MOV10L1: variants seen among roughly 807,000 people sequenced by gnomAD.
MOV10L1 encodes the protein Mov10 like RNA helicase 1.
Under a neutral mutation model 143.8 loss-of-function variants are expected in MOV10L1, and 110 were observed. The observed-to-expected ratio is 0.76, with a 90% CI of 0.66 to 0.90. MOV10L1 has a LOEUF of 0.90. MOV10L1 is among the 40% of genes least tolerant of loss of function. The pLI, the probability that MOV10L1 is intolerant of heterozygous loss-of-function variation, is 0.00. For synonymous variants in MOV10L1, 593 were observed against 581.1 expected (o/e 1.02, Z -0.29); for missense variants, 1,406 against 1,526.8 (o/e 0.92, Z 1.32).
chr22:50,090,591 C>T, intron 1 of MOV10L1: 1 of 1,519,540 alleles, frequency 6.6e-7, no homozygotes, highest in Non-Finnish European at 9.0e-7. Flanking sequence ...CAAGGCGTGC[C>T]ATTTCCTTGT....
chr22:50,098,621 C>T (rs2062657162), intron 2 of MOV10L1, among the ~76,000 whole-genome samples: 1 of 152,250 alleles, frequency 6.6e-6, no homozygotes, highest in Middle Eastern at 3.4e-3. Flanking sequence ...TTAGCTCTAA[C>T]CATTTTTTGT....
chr22:50,143,096 C>G lies in MOV10L1; in HGVS notation c.2233C>G (p.Leu745Val). 6.2e-7 allele frequency: 1 copy of G among 1,614,172 alleles called. No homozygotes were observed. The highest frequency in any genetic ancestry group is 8.5e-7 in the Non-Finnish European group (1 of 1,180,022). The change falls in exon 17 of 27, where the codon CTA becomes GTA. Residue 745 changes from leucine (L) to valine (V), a missense_variant. Physicochemically the swap from Leu to Val is conservative, Grantham distance 32. This residue lies in a region of MOV10L1 where 1,233 missense variants were observed against 1,351.4 expected (regional missense o/e 0.91). Coordinates refer to ENST00000262794, the MANE Select transcript of MOV10L1 (RefSeq NM_018995.3). ...ARKMEFFNPV[L>V]NENQKLAVKR... ...AAAGATGGAGTTTTTCAACCCAGTG[C>G]TAAATGAAAATCAGAAGTTAGCAGT...
chr22:50,144,219 G>C lies in MOV10L1; in HGVS notation c.2481G>C (p.Val827=). 1 of 1,608,544 alleles carries C rather than the reference G, an allele frequency of 6.2e-7. No homozygotes were observed. ...KVLQPATMVR[V]NATCRFEEIV... ...TACAGCCGGCCACCATGGTCCGGGT[G>C]AACGCCACCTGCAGGTTCGAGGAGG... The change falls in exon 18 of 27, where the codon GTG becomes GTC. Residue 827 remains valine, a synonymous_variant. Coordinates refer to ENST00000262794, the MANE Select transcript of MOV10L1 (RefSeq NM_018995.3).
chr22:50,117,155 A>G lies in MOV10L1; in HGVS notation c.1260-2A>G. ...ACTAAATTTCATTTTGTTTTTTTCA[A>G]GAAATCCTGGCCGCTGCAAGGAGCT... On this transcript the variant is annotated splice_acceptor_variant, in intron 8 of 26. Transcript: ENST00000262794. LOFTEE classifies it high-confidence loss of function. 6.3e-7 allele frequency: 1 copy of G among 1,583,916 alleles called. No homozygotes were observed. The highest frequency in any genetic ancestry group is 8.6e-7 in the Non-Finnish European group (1 of 1,167,306).
At chr22:50,140,921 A>G (rs1381262060) in intron 15 of MOV10L1, among the ~76,000 whole-genome samples, 1 of 152,146 alleles carries the variant, frequency 6.6e-6, no homozygotes, top group Admixed American at 6.5e-5. Context: ...TCCAGAATCT[A>G]TCCTATGAAA....
Position 50,150,744 on chromosome 22 carries a change from G to C in MOV10L1, c.2737G>C (p.Ala913Pro). Residue 913 changes from alanine (A) to proline (P), a missense_variant, in exon 21 of 27, where the codon GCA becomes CCA. By Grantham distance (27) the Ala-to-Pro change is conservative. This residue lies in a region of MOV10L1 where 1,233 missense variants were observed against 1,351.4 expected (regional missense o/e 0.91). Transcript: ENST00000262794. Reference protein sequence around the residue: ...MSDISGQIVLAGDPMQLGPVI... With the variant: ...MSDISGQIVLPGDPMQLGPVI... ...GGCCCTCTGTGTGCAGATCGTGCTG[G>C]CAGGAGACCCCATGCAGCTCGGCCC... The C allele has an allele frequency of 6.2e-7, 1 of 1,613,920 alleles. No homozygotes were observed. Among genetic ancestry groups the C allele is most frequent in the Non-Finnish European group, 8.5e-7 (1 of 1,179,958 alleles).
chr22:50,118,770 C>A (rs992628288), intron 9 of MOV10L1, among the ~76,000 whole-genome samples: 1 of 152,080 alleles, frequency 6.6e-6, no homozygotes, highest in Non-Finnish European at 1.5e-5. Flanking sequence ...CAGGCTGTGA[C>A]GTCAGTAAGC....
At position 50,143,184 on chromosome 22, in the gene MOV10L1, C is replaced by G; in HGVS notation, c.2321C>G (p.Thr774Ser). Residue 774 changes from threonine to serine, a missense_variant, in exon 17 of 27, where the codon ACT (threonine) becomes AGT (serine). Physicochemically the swap from Thr to Ser is moderately conservative, Grantham distance 58 (BLOSUM62 1). Transcript: ENST00000262794. ...TATATTCTCTTTGGACCTCCTGGTA[C>G]TGGAAAGACAGTGACAATAATAGAG... ...LPYILFGPPG[T>S]GKTVTIIEAV... 1 of 1,614,156 alleles carries G rather than the reference C, an allele frequency of 6.2e-7. No individual in the cohort carries two copies. The highest frequency in any genetic ancestry group is 8.5e-7 in the Non-Finnish European group (1 of 1,180,038).
Position 50,108,711 on chromosome 22 carries a change from T to C in MOV10L1, c.610T>C (p.Phe204Leu). 1 of 1,614,210 alleles carries C rather than the reference T, an allele frequency of 6.2e-7. No homozygotes were observed. Among genetic ancestry groups the C allele is most frequent in the Non-Finnish European group, 8.5e-7 (1 of 1,180,034 alleles). Residue 204 changes from phenylalanine to leucine, a missense_variant, in exon 5 of 27, where the codon TTT becomes CTT. Around this residue, in one of 3 missense-constraint regions of MOV10L1, gnomAD observed 1,233 missense variants for 1,351.4 expected, o/e 0.91. Coordinates refer to ENST00000262794, the MANE Select transcript of MOV10L1 (RefSeq NM_018995.3). ...CGGGGTGTTAGAGGAAAGCATCTTC[T>C]TTACCTTGGACTCCTTGAAACTGCC... is the stretch of plus-strand genomic sequence containing the variant. ...RNGVLEESIFFTLDSLKLPDG... is the reference protein window; with the variant it reads ...RNGVLEESIFLTLDSLKLPDG...
rs375599284 is a variant in MOV10L1, at chr22:50,135,127, T to C, written c.2070+497T>C. Among the ~76,000 whole-genome samples the C allele has an allele frequency of 6.3e-4, 96 of 151,988 alleles. 2 individuals carry two copies. The South Asian group carries it at 0.019, about 29-fold the overall frequency. ...CTCCCAGATTCAAGTGATTCTCCTG[T>C]CTCAGTCTCCAGAGTAGCTAGGACT... On this transcript the variant is annotated intron_variant, in intron 15 of 26. Coordinates refer to ENST00000262794, the MANE Select transcript of MOV10L1 (RefSeq NM_018995.3).
At chr22:50,161,329 G>A (rs368947401) in intron 26 of MOV10L1, 39 bp from the exon 27 acceptor site, 1 of 1,496,482 alleles carries the variant, frequency 6.7e-7, no homozygotes, top group Non-Finnish European at 9.0e-7. Flanking sequence ...CGCTGTGGGA[G>A]CCTGGCTCAC....
At chr22:50,118,358 A>G (rs138226) in intron 9 of MOV10L1, among the ~76,000 whole-genome samples, 73,619 of 152,010 alleles carry the variant, frequency 0.48, 18,851 homozygotes, top group Admixed American at 0.6. Context: ...ATGAGGTCAG[A>G]CATGTAAAAT....
intron 8 of MOV10L1, 28 bp downstream of exon 8, chr22:50,115,274 C>T (rs190058977): frequency 6.8e-5 from 99 of 1,463,126 alleles, no homozygotes; most frequent in South Asian, 3.6e-4. Flanking sequence ...TGGGGAGAGC[C>T]GCGTTTTTAA....
At position 50,149,676 on chromosome 22, in the gene MOV10L1, C is replaced by T. The variant is rs1016013227; in HGVS notation, c.2689C>T (p.Leu897Phe). Reference protein sequence around the residue: ...EAGQASEPECLIPLGLMSDIS... With the variant: ...EAGQASEPECFIPLGLMSDIS... ...TGGGCAGGCAAGTGAGCCGGAATGCCTCATTCCTCTGGGGCTGATGTCGGA... is the reference window on the plus strand; with the variant it reads ...TGGGCAGGCAAGTGAGCCGGAATGCTTCATTCCTCTGGGGCTGATGTCGGA... The change falls in exon 20 of 27, where the codon CTC (leucine) becomes TTC (phenylalanine). Residue 897 changes from leucine (L) to phenylalanine (F), a missense_variant. Physicochemically the swap from Leu to Phe is conservative, Grantham distance 22. Transcript: ENST00000262794. 3 of 1,614,046 alleles carry T rather than the reference C, an allele frequency of 1.9e-6. No individual in the cohort carries two copies. The highest frequency in any genetic ancestry group is 2.2e-5 in the South Asian group (2 of 91,060).
chr22:50,125,355 GC>G, intron 10 of MOV10L1, 36 bp from the exon 11 acceptor site: 1 of 1,597,860 alleles, frequency 6.3e-7, no homozygotes, highest in Non-Finnish European at 8.6e-7. Flanking sequence ...GTGCTGCTGA[GC>G]TGTTGCTGAC....
At chr22:50,145,538 G>T in intron 18 of MOV10L1, 151 bp from the exon 19 acceptor site, 1 of 968,078 alleles carries the variant, frequency 1.0e-6, no homozygotes. Flanking sequence ...AACATGGACT[G>T]AATTGATAAG....
Position 50,125,399 on chromosome 22 carries a change from A to G in MOV10L1, c.1577A>G (p.Asn526Ser). The change falls in exon 11 of 27, where the codon AAC becomes AGC. Residue 526 changes from asparagine to serine, a missense_variant. This residue lies in a region of MOV10L1 where 1,233 missense variants were observed against 1,351.4 expected (regional missense o/e 0.91). Coordinates refer to ENST00000262794, the MANE Select transcript of MOV10L1 (RefSeq NM_018995.3). ...TFQPLLAELL[N>S]MSNYKEKFST... The stretch of plus-strand genomic sequence containing the variant: ...CATTTGGGTGTTTTCCAGCTTCTGA[A>G]CATGTCAAATTACAAGGAGAAGTTT... 1 of 1,614,146 alleles carries G rather than the reference A, an allele frequency of 6.2e-7. No homozygotes were observed. Among genetic ancestry groups the G allele is most frequent in the Non-Finnish European group, 8.5e-7 (1 of 1,179,978 alleles).
intron 4 of MOV10L1, 23 bp from the exon 5 acceptor site, chr22:50,108,634 G>A (rs1222648560): frequency 6.2e-7 from 1 of 1,612,522 alleles, no homozygotes; most frequent in Non-Finnish European, 8.5e-7. Context: ...TGCTTCCTGT[G>A]ACGCTCAGCT....
chr22:50,097,083 GT>G (rs1255602516), intron 2 of MOV10L1, among the ~76,000 whole-genome samples: 3 of 151,986 alleles, frequency 2.0e-5, no homozygotes, highest in Non-Finnish European at 4.4e-5. Context: ...GAGTTTTATA[GT>G]TTTTGCTTTT....
Sources: allele counts gnomAD v4.1 joint callset (sites outside exome capture counted in the v4.1 genomes callset), GRCh38; gene constraint gnomAD v4.1.1; regional missense constraint gnomAD v4.1.1; transcripts MANE v1.5; gene names NCBI Gene and HGNC (gene_info 2026-07-23, HGNC 2026-07-21).